SCFD2: variants seen among roughly 807,000 people sequenced by gnomAD.
SCFD2 encodes the protein sec1 family domain-containing protein 2.
In SCFD2, 54 loss-of-function variants were observed where a neutral mutation model predicts 58.9. The ratio of observed to expected loss-of-function variants is 0.92; its 90% CI spans 0.74 to 1.15. SCFD2 has a LOEUF of 1.15. Ranked by LOEUF, SCFD2 falls within the 50% of genes most tolerant of loss-of-function variation. SCFD2 has a pLI of 0.00. For synonymous variants in SCFD2, 321 were observed against 335.9 expected (o/e 0.96, Z 0.49); for missense variants, 805 against 836.6 (o/e 0.96, Z 0.47).
intron 5 of SCFD2, among the ~76,000 whole-genome samples, chr4:53,122,846 T>G (rs1413717305): frequency 6.6e-6 from 1 of 152,186 alleles, no homozygotes; most frequent in Non-Finnish European, 1.5e-5. Flanking sequence ...TCTAAATGTT[T>G]TCATGTTTAA....
At chr4:52,984,387 A>G (rs191847253) in intron 5 of SCFD2, among the ~76,000 whole-genome samples, 314 of 152,336 alleles carry the variant, frequency 2.1e-3, no homozygotes, top group African/African-American at 7.2e-3. Context: ...CCACAAAGCC[A>G]TCATTGTCAA....
intron 4 of SCFD2, among the ~76,000 whole-genome samples, chr4:53,204,036 G>C (rs543616615): frequency 6.6e-6 from 1 of 152,060 alleles, no homozygotes; most frequent in Admixed American, 6.6e-5. Context: ...TCTATTCCAT[G>C]TAGGAAACTG....
intron 4 of SCFD2, among the ~76,000 whole-genome samples, chr4:53,248,000 CATCT>C (rs1410148350): frequency 1.3e-5 from 2 of 152,250 alleles, no homozygotes; most frequent in African/African-American, 4.8e-5. Flanking sequence ...TCTGCATTTC[CATCT>C]GAGGTACTGG....
At chr4:53,043,379 T>C (rs1272780251) in intron 5 of SCFD2, among the ~76,000 whole-genome samples, 2 of 152,116 alleles carry the variant, frequency 1.3e-5, no homozygotes, top group Non-Finnish European at 2.9e-5. Flanking sequence ...TGTAAATAAA[T>C]TAGGGAGACT....
chr4:53,238,690 G>A lies in SCFD2; in HGVS notation c.1311+35136C>T, dbSNP rs1308345266. 3.6e-4 allele frequency among the ~76,000 whole-genome samples: 54 copies of A among 151,518 alleles called. 1 individual carries two copies. The highest frequency in any genetic ancestry group is 1.2e-3 in the African/African-American group (50 of 41,306). On this transcript the variant is annotated intron_variant, in intron 4 of 8. Coordinates refer to ENST00000401642, the MANE Select transcript of SCFD2 (RefSeq NM_152540.4). ...CTCCTCACCTCCCAGACGGGGTTGC[G>A]GCCGGGCAGAGGTGCTCCTCACATC... is the stretch of plus-strand genomic sequence containing the variant.
At chr4:53,274,452 A>G (rs545169315) in intron 3 of SCFD2, among the ~76,000 whole-genome samples, 1 of 152,328 alleles carries the variant, frequency 6.6e-6, no homozygotes, top group African/African-American at 2.4e-5. Flanking sequence ...TTTCTCATCT[A>G]AAACTTTACC....
intron 4 of SCFD2, among the ~76,000 whole-genome samples, chr4:53,222,988 G>C (rs776342288): frequency 7.2e-5 from 11 of 152,168 alleles, no homozygotes; most frequent in Non-Finnish European, 1.5e-4. Flanking sequence ...CTGGTCACCA[G>C]ATGTGGAACC....
At chr4:53,239,417 AGAG>A (rs370985305) in intron 4 of SCFD2, among the ~76,000 whole-genome samples, 7,508 of 41,514 alleles carry the variant, frequency 0.18, 346 homozygotes, top group East Asian at 0.33. Flanking sequence ...AGGGAGAGGG[AGAG>A]GAGGGAGAGG....
At chr4:52,877,770 A>G (rs1718512640) in intron 8 of SCFD2, among the ~76,000 whole-genome samples, 1 of 151,002 alleles carries the variant, frequency 6.6e-6, no homozygotes, top group African/African-American at 2.4e-5. Context: ...AGAGCCAGTG[A>G]CCCCAAGTGT....
In SCFD2 at chr4:53,164,757, G is replaced by A. The variant is rs191154908; in HGVS notation, c.1312-19175C>T. Among the ~76,000 whole-genome samples, 3 of 142,362 alleles carry A rather than the reference G, an allele frequency of 2.1e-5. No homozygotes were observed. The East Asian group carries it at 6.3e-4, about 30-fold the overall frequency. 93.4% of individuals were successfully genotyped at this position (142,362 alleles called of 152,430 possible). ...AGTGAGCCGAGATCACGCCATTGCAGCCTGGGCGAAAAAGCGAGACTCTGG... is the reference window on the plus strand; with the variant it reads ...AGTGAGCCGAGATCACGCCATTGCAACCTGGGCGAAAAAGCGAGACTCTGG... On this transcript the variant is annotated intron_variant, in intron 4 of 8. Transcript: ENST00000401642.
rs201405213 is a variant in SCFD2 at position 53,365,840 on chromosome 4, C to G, written c.102G>C (p.Glu34Asp). The change falls in exon 1 of 9, where the codon GAG becomes GAC. Residue 34 changes from glutamate (E) to aspartate (D), a missense_variant. This residue lies in a region of SCFD2 where 155 missense variants were observed against 149.7 expected (regional missense o/e 1.04). Coordinates refer to ENST00000401642, the MANE Select transcript of SCFD2 (RefSeq NM_152540.4). This position sits in a 1 kb window ranked among gnomAD's most constrained non-coding sequence, Gnocchi z 4.3. The stretch of plus-strand genomic sequence containing the variant: ...TGGATCCGCAGCCCCAGTGCAGGCT[C>G]TCGGCGCAGGCGGCGTCCAGGTAAA... Reference protein sequence around the residue: ...AVVYLDAACAESLHWGCGSTR... With the variant: ...AVVYLDAACADSLHWGCGSTR... The G allele has an allele frequency of 6.1e-5, 98 of 1,613,734 alleles. 1 individual carries two copies. The Admixed American group carries it at 9.0e-4, about 15-fold the overall frequency.
At chr4:52,941,280 C>A (rs2109513936) in intron 5 of SCFD2, among the ~76,000 whole-genome samples, 1 of 152,230 alleles carries the variant, frequency 6.6e-6, no homozygotes, top group South Asian at 2.1e-4. Flanking sequence ...TATATTCTAG[C>A]TGAGGAGACA....
intron 5 of SCFD2, among the ~76,000 whole-genome samples, chr4:53,064,282 C>A (rs1280322260): frequency 1.3e-5 from 2 of 152,060 alleles, no homozygotes; most frequent in Non-Finnish European, 2.9e-5. Flanking sequence ...CCACCCTCCC[C>A]CTCTAGTAGT....
At chr4:52,930,580 A>G (rs1430158411) in intron 5 of SCFD2, among the ~76,000 whole-genome samples, 2 of 152,150 alleles carry the variant, frequency 1.3e-5, no homozygotes, top group African/African-American at 4.8e-5. Context: ...AACCCCAACT[A>G]TTTCTAAAAA....
At chr4:53,279,666 C>G (rs1323547435) in intron 3 of SCFD2, among the ~76,000 whole-genome samples, 1 of 152,102 alleles carries the variant, frequency 6.6e-6, no homozygotes, top group Non-Finnish European at 1.5e-5. Context: ...TTAGTCCATT[C>G]TCACACTGTT....
intron 5 of SCFD2, among the ~76,000 whole-genome samples, chr4:53,117,575 C>T (rs888388407): frequency 7.2e-5 from 11 of 152,264 alleles, no homozygotes; most frequent in African/African-American, 2.4e-4. Flanking sequence ...GTCTTCCTCT[C>T]GCCACCTCCT....
rs190814467 is a variant in SCFD2, at chr4:53,021,022, A to G, written c.1562-100152T>C. 2.2e-4 allele frequency among the ~76,000 whole-genome samples: 33 copies of G among 152,320 alleles called. 1 individual carries two copies. The highest frequency in any genetic ancestry group is 2.1e-3 in the Admixed American group (32 of 15,292). On this transcript the variant is annotated intron_variant, in intron 5 of 8. Transcript: ENST00000401642. ...CTGTGCAAGCCATCATCGAAGTGGT[A>G]GATATTTTAAAAGTGTTACATTCTT...
intron 6 of SCFD2, among the ~76,000 whole-genome samples, chr4:52,914,818 G>A (rs1005978092): frequency 7.9e-5 from 12 of 151,886 alleles, no homozygotes; most frequent in African/African-American, 2.9e-4. Context: ...ACAAAAAAAG[G>A]GGCCCATGAA....
chr4:52,927,660 C>T (rs541703184), intron 5 of SCFD2, among the ~76,000 whole-genome samples: 2 of 152,282 alleles, frequency 1.3e-5, no homozygotes, highest in Admixed American at 6.5e-5. Flanking sequence ...GTAACAAGTA[C>T]AACTGGCACA....
Sources: gnomAD v4.1 joint callset for allele counts (sites outside exome capture counted in the v4.1 genomes callset) on GRCh38, gnomAD v4.1.1 for gene constraint, gnomAD v4.1.1 regional missense constraint, Gnocchi (gnomAD v3.1) non-coding constraint, MANE v1.5 for transcripts, NCBI Gene and HGNC (gene_info 2026-07-23, HGNC 2026-07-21) for gene names.